RBFOX1: variants seen among roughly 807,000 people sequenced by gnomAD.
RBFOX1 encodes the protein RNA binding protein fox-1 homolog 1.
In RBFOX1, 8 loss-of-function variants were observed where a neutral mutation model predicts 57.7. The ratio of observed to expected loss-of-function variants is 0.14; its 90% CI spans 0.08 to 0.25. The LOEUF (loss-of-function observed/expected upper bound fraction) is 0.25. Among genes scored for constraint, RBFOX1 ranks in the 10% least tolerant of loss-of-function variants. The probability of loss-of-function intolerance (pLI) is 1.00; values close to 1 mark genes in which losing one functional copy is unlikely to be tolerated. For synonymous variants in RBFOX1, 326 were observed against 222.4 expected, an observed-to-expected ratio of 1.47 and a Z score of -4.15; for missense variants, 611 against 548.5, an observed-to-expected ratio of 1.11 and a Z score of -1.14.
rs570593798 is a variant in RBFOX1, at chr16:6,389,723, C to T, written c.-64+72666C>T. On this transcript the variant is annotated intron_variant, in intron 2 of 15. Transcript: ENST00000550418. ...GAACCTCGTGCTCAAAAATTCAGCT[C>T]AGGCTGTAGCCACCAAATAAATCAT... 1.4e-4 allele frequency among the ~76,000 whole-genome samples: 21 copies of T among 152,260 alleles called. No homozygotes were observed. The South Asian group carries it at 2.1e-3, about 15-fold the overall frequency.
intron 3 of RBFOX1, among the ~76,000 whole-genome samples, chr16:6,835,950 C>T (rs922126824): frequency 6.6e-6 from 1 of 151,968 alleles, no homozygotes; most frequent in East Asian, 1.9e-4. Flanking sequence ...GCAGCACCTC[C>T]ATTCCCATTC....
chr16:6,931,348 C>T (rs1247875110), intron 3 of RBFOX1, among the ~76,000 whole-genome samples: 4 of 145,396 alleles, frequency 2.8e-5, no homozygotes, highest in Non-Finnish European at 4.5e-5. Context: ...TCTACACACA[C>T]ACACACACAC....
At chr16:6,165,139 T>G (rs967853815) in intron 1 of RBFOX1, among the ~76,000 whole-genome samples, 2 of 152,046 alleles carry the variant, frequency 1.3e-5, no homozygotes, top group African/African-American at 4.8e-5. Context: ...AGCCTCAGCT[T>G]TGGCAGTTTT....
In RBFOX1 at chr16:5,834,997, C is replaced by G. The variant is rs372959122; in HGVS notation, c.319-32306C>G. 1.1e-4 allele frequency among the ~76,000 whole-genome samples: 17 copies of G among 152,302 alleles called. No homozygotes were observed. In the East Asian group the frequency reaches 2.1e-3, roughly 19 times the overall value. ...GTAAGTGTTCCCTTTGAGATATCAC[C>G]TTACCCCACTCACCATGGCCGTTTT... On this transcript the variant is annotated intron_variant, in intron 3 of 19. Transcript: ENST00000641259.
chr16:6,723,282 A>G (rs2066413928), intron 3 of RBFOX1, among the ~76,000 whole-genome samples: 2 of 152,336 alleles, frequency 1.3e-5, no homozygotes, highest in South Asian at 2.1e-4. Flanking sequence ...TTACCTGGAC[A>G]ATCATTTAAT....
chr16:7,292,315 TTA>T (rs1478514475), intron 4 of RBFOX1, among the ~76,000 whole-genome samples: 2 of 136,540 alleles, frequency 1.5e-5, no homozygotes, highest in Non-Finnish European at 3.0e-5. Flanking sequence ...ATATGACGTA[TTA>T]TATATCATAT....
At chr16:7,169,385 C>T (rs2080227119) in intron 4 of RBFOX1, among the ~76,000 whole-genome samples, 5 of 152,106 alleles carry the variant, frequency 3.3e-5, no homozygotes, top group Admixed American at 3.3e-4. Flanking sequence ...TGTTATGGGC[C>T]AGGGGTTGGG....
chr16:5,987,352 C>A (rs187908897), intron 4 of RBFOX1, among the ~76,000 whole-genome samples: 10 of 152,272 alleles, frequency 6.6e-5, no homozygotes, highest in Non-Finnish European at 1.5e-4. Flanking sequence ...CATCCTCTTT[C>A]CAGGATCTTC....
intron 3 of RBFOX1, among the ~76,000 whole-genome samples, chr16:6,806,836 A>ATATATATTTTTTTTT (rs754342591): frequency 1.1e-5 from 1 of 91,906 alleles, no homozygotes; most frequent in African/African-American, 4.1e-5. Context: ...ATATATATAT[A>ATATATATTTTTTTTT]TTTTTTTTTT....
intron 2 of RBFOX1, among the ~76,000 whole-genome samples, chr16:6,339,939 A>C (rs964577595): frequency 3.9e-5 from 6 of 152,088 alleles, no homozygotes; most frequent in East Asian, 1.9e-4. Flanking sequence ...GTCCTCCTAA[A>C]GTGCTGGGAT....
chr16:6,871,906 A>G (rs1183922987), intron 3 of RBFOX1, among the ~76,000 whole-genome samples: 2 of 126,594 alleles, frequency 1.6e-5, no homozygotes, highest in East Asian at 2.5e-4. Flanking sequence ...AGAGAGGGAG[A>G]GAGTCTGTGT....
At chr16:6,158,847 A>G (rs947425847) in intron 1 of RBFOX1, among the ~76,000 whole-genome samples, 4 of 152,052 alleles carry the variant, frequency 2.6e-5, no homozygotes, top group African/African-American at 7.2e-5. Context: ...ACAGGCACCT[A>G]TTAAAAGTGA....
At chr16:6,770,993 T>A (rs1464440595) in intron 3 of RBFOX1, among the ~76,000 whole-genome samples, 1 of 152,118 alleles carries the variant, frequency 6.6e-6, no homozygotes, top group Non-Finnish European at 1.5e-5. Context: ...CCACAGGACC[T>A]CAGAATGTGA....
intron 4 of RBFOX1, among the ~76,000 whole-genome samples, chr16:7,424,357 T>G (rs142974821): frequency 6.6e-6 from 1 of 152,108 alleles, no homozygotes; most frequent in Non-Finnish European, 1.5e-5. Context: ...CATCCCAGGT[T>G]CAAGCGATGC....
intron 3 of RBFOX1, among the ~76,000 whole-genome samples, chr16:6,925,148 T>TTTTTTTTTTG: frequency 9.2e-6 from 1 of 108,482 alleles, no homozygotes; most frequent in African/African-American, 3.6e-5. Flanking sequence ...TTTTTTTTTT[T>TTTTTTTTTTG]TTTGAGATGG....
intron 1 of RBFOX1, among the ~76,000 whole-genome samples, chr16:6,302,484 T>A (rs1003018736): frequency 6.6e-6 from 1 of 152,154 alleles, no homozygotes; most frequent in South Asian, 2.1e-4. Flanking sequence ...TTCGACTAGA[T>A]GGATTTTATG....
chr16:5,834,919 T>A (rs1380736639), intron 3 of RBFOX1, among the ~76,000 whole-genome samples: 2 of 152,226 alleles, frequency 1.3e-5, no homozygotes, highest in African/African-American at 4.8e-5. Flanking sequence ...CTGAGAAACC[T>A]GCATAGCGTT....
chr16:5,681,556 T>TA, intron 3 of RBFOX1, among the ~76,000 whole-genome samples: 1 of 150,318 alleles, frequency 6.7e-6, no homozygotes, highest in South Asian at 2.1e-4. Context: ...GCCCAGCTAA[T>TA]TTTTTTTTGC....
At chr16:6,918,939 T>G (rs1163959253) in intron 3 of RBFOX1, among the ~76,000 whole-genome samples, 1 of 152,122 alleles carries the variant, frequency 6.6e-6, no homozygotes, top group Non-Finnish European at 1.5e-5. Flanking sequence ...CAGGGTCCTA[T>G]TTCAAACACC....
Sources: allele counts gnomAD v4.1 joint callset (sites outside exome capture counted in the v4.1 genomes callset), GRCh38; gene constraint gnomAD v4.1.1; transcripts MANE v1.5; gene names NCBI Gene and HGNC (gene_info 2026-07-23, HGNC 2026-07-21).